Variants in GABBR2 observed in about 807,000 individuals in gnomAD.
GABBR2 encodes the protein G-protein coupled receptor 51.
Under a neutral mutation model 105.6 loss-of-function variants are expected in GABBR2, and 23 were observed. The ratio of observed to expected loss-of-function variants is 0.22; its 90% CI spans 0.16 to 0.31. GABBR2 has a LOEUF of 0.31. Ranked by LOEUF, GABBR2 falls within the 10% of genes least tolerant of loss-of-function variation. GABBR2 has a pLI of 1.00. For synonymous variants in GABBR2, 478 were observed against 499.7 expected (o/e 0.96, Z 0.58); for missense variants, 734 against 1,245.5 (o/e 0.59, Z 6.18).
chr9:98,622,258 A>G (rs1252807888), intron 1 of GABBR2, among the ~76,000 whole-genome samples: 3 of 152,124 alleles, frequency 2.0e-5, no homozygotes, highest in African/African-American at 7.2e-5. Flanking sequence ...TCAACCTCCC[A>G]GGCTAAATGG....
At chr9:98,628,880 G>A (rs1244322799) in intron 1 of GABBR2, among the ~76,000 whole-genome samples, 1 of 152,214 alleles carries the variant, frequency 6.6e-6, no homozygotes, top group Admixed American at 6.5e-5. Context: ...GCACGCGCGT[G>A]CACCTACCCC....
chr9:98,560,049 T>A (rs1002946119), intron 2 of GABBR2, among the ~76,000 whole-genome samples: 12 of 151,200 alleles, frequency 7.9e-5, no homozygotes, highest in African/African-American at 2.7e-4. Flanking sequence ...AAGGATAAAT[T>A]AAAAACTAAT....
intron 1 of GABBR2, among the ~76,000 whole-genome samples, chr9:98,625,782 T>C (rs1829729288): frequency 6.6e-6 from 1 of 152,186 alleles, no homozygotes; most frequent in Non-Finnish European, 1.5e-5. Flanking sequence ...GGAATGCATT[T>C]AGGCAACTCT....
At chr9:98,338,258 A>G (rs1380810386) in intron 13 of GABBR2, among the ~76,000 whole-genome samples, 1 of 152,240 alleles carries the variant, frequency 6.6e-6, no homozygotes, top group African/African-American at 2.4e-5. Context: ...TAATAAAAGA[A>G]AAAATATATA....
At chr9:98,535,259 A>C (rs1455437269) in intron 3 of GABBR2, among the ~76,000 whole-genome samples, 6 of 151,972 alleles carry the variant, frequency 3.9e-5, no homozygotes, top group African/African-American at 1.5e-4. Context: ...TACCATGCCC[A>C]GTTAATTTTT....
At chr9:98,513,430 T>C (rs1455903140) in intron 3 of GABBR2, among the ~76,000 whole-genome samples, 4 of 151,900 alleles carry the variant, frequency 2.6e-5, no homozygotes, top group African/African-American at 7.3e-5. Context: ...CTAAAGAACT[T>C]CTGCACAGCA....
At chr9:98,648,096 T>TAGATAGATA (rs2131843067) in intron 1 of GABBR2, among the ~76,000 whole-genome samples, 1 of 86,880 alleles carries the variant, frequency 1.2e-5, no homozygotes. Flanking sequence ...TGTGTGTGTG[T>TAGATAGATA]GTGTGTGTGT....
intron 2 of GABBR2, among the ~76,000 whole-genome samples, chr9:98,561,993 T>C (rs1397975854): frequency 6.6e-6 from 1 of 152,112 alleles, no homozygotes; most frequent in Admixed American, 6.5e-5. Flanking sequence ...TGTGAGGAAA[T>C]GGGATAGTCA....
chr9:98,571,319 G>A (rs1323423676), intron 2 of GABBR2, among the ~76,000 whole-genome samples: 1 of 152,110 alleles, frequency 6.6e-6, no homozygotes, highest in East Asian at 1.9e-4. Context: ...AGCGGCACTG[G>A]GATACTTGCC....
At chr9:98,520,512 T>G (rs914601114) in intron 3 of GABBR2, among the ~76,000 whole-genome samples, 1 of 152,186 alleles carries the variant, frequency 6.6e-6, no homozygotes, top group Non-Finnish European at 1.5e-5. Context: ...ATGTGCTGTC[T>G]TCCTGGGGCA....
intron 13 of GABBR2, among the ~76,000 whole-genome samples, chr9:98,318,690 G>A (rs552373831): frequency 2.4e-4 from 36 of 152,260 alleles, no homozygotes; most frequent in Middle Eastern, 3.4e-3. Context: ...AGCCCAGCCC[G>A]GCCCGGCCAG....
chr9:98,304,328 G>C (rs1830516304), intron 15 of GABBR2: 1 of 152,534 alleles, frequency 6.6e-6, no homozygotes, highest in African/African-American at 2.4e-5. Context: ...CTGGGTGGTG[G>C]ACAGGGTTCT....
At chr9:98,707,281 G>T (rs1433749093) in intron 1 of GABBR2, 1 of 152,402 alleles carries the variant, frequency 6.6e-6, no homozygotes, top group East Asian at 1.9e-4. Flanking sequence ...GTCCCAGGAA[G>T]CCAGGATCAA....
intron 1 of GABBR2, among the ~76,000 whole-genome samples, chr9:98,612,121 G>T (rs1829514153): frequency 6.6e-6 from 1 of 152,206 alleles, no homozygotes; most frequent in East Asian, 1.9e-4. Context: ...CACGAGTCTT[G>T]GCTGCAGAGC....
intron 13 of GABBR2, among the ~76,000 whole-genome samples, chr9:98,350,389 C>T (rs1303346270): frequency 6.6e-6 from 1 of 151,982 alleles, no homozygotes; most frequent in Non-Finnish European, 1.5e-5. Flanking sequence ...ATACGTTTCC[C>T]TCTTTGCACT....
chr9:98,501,055 C>G (rs1330934946), intron 3 of GABBR2, among the ~76,000 whole-genome samples: 1 of 151,776 alleles, frequency 6.6e-6, no homozygotes, highest in African/African-American at 2.4e-5. Flanking sequence ...ATTTTCCCCT[C>G]GGTTAGGAGA....
intron 1 of GABBR2, among the ~76,000 whole-genome samples, chr9:98,581,418 T>C (rs985366370): frequency 2.6e-5 from 4 of 151,324 alleles, no homozygotes; most frequent in African/African-American, 9.7e-5. Flanking sequence ...TTTAAAATTT[T>C]TAATTTAATT....
intron 3 of GABBR2, 61 bp from the exon 4 acceptor site, chr9:98,496,575 G>A (rs1049550448): frequency 3.3e-5 from 37 of 1,106,628 alleles, no homozygotes; most frequent in Non-Finnish European, 4.9e-5. Flanking sequence ...GGCCAGTTCC[G>A]AGGGGTCACC....
intron 14 of GABBR2, among the ~76,000 whole-genome samples, chr9:98,310,254 AT>A (rs200695041): frequency 0.048 from 7,208 of 148,626 alleles, 243 homozygotes; most frequent in Non-Finnish European, 0.069. Context: ...GTGATCTTTG[AT>A]TTTTTTTTTT....
Sources: allele counts gnomAD v4.1 joint callset (sites outside exome capture counted in the v4.1 genomes callset), GRCh38; gene constraint gnomAD v4.1.1; transcripts MANE v1.5; gene names NCBI Gene and HGNC (gene_info 2026-07-23, HGNC 2026-07-21).